Variants in RB1CC1 observed in about 807,000 individuals in gnomAD.
RB1CC1 encodes the protein RB1-inducible coiled-coil protein 1.
Under a neutral mutation model 177.5 loss-of-function variants are expected in RB1CC1, and 46 were observed. The ratio of observed to expected loss-of-function variants is 0.26; its 90% CI spans 0.20 to 0.33. The LOEUF is 0.33. Among genes scored for constraint, RB1CC1 ranks in the 10% least tolerant of loss-of-function variants. The pLI is 1.00. For missense variants in RB1CC1, 1,703 were observed against 1,816.3 expected (o/e 0.94, Z 1.13); for synonymous variants, 666 against 613.6 (o/e 1.09, Z -1.26).
At chr8:52,648,116 C>A (rs997854015) in intron 15 of RB1CC1, among the ~76,000 whole-genome samples, 3 of 152,084 alleles carry the variant, frequency 2.0e-5, no homozygotes, top group African/African-American at 7.2e-5. Context: ...CAGATATAGA[C>A]ACCCCTGACA....
At chr8:52,703,619 T>C (rs1365553542) in intron 1 of RB1CC1, among the ~76,000 whole-genome samples, 1 of 152,186 alleles carries the variant, frequency 6.6e-6, no homozygotes, top group African/African-American at 2.4e-5. Context: ...TGGCTGTCAG[T>C]GGTCTTGTTC....
chr8:52,660,201 G>T (rs879394699), intron 12 of RB1CC1, among the ~76,000 whole-genome samples: 2 of 152,136 alleles, frequency 1.3e-5, no homozygotes, highest in Non-Finnish European at 1.5e-5. Flanking sequence ...ATAAAGGGGG[G>T]TGGTGTGAAA....
At chr8:52,679,256 A>G (rs1853467324) in intron 5 of RB1CC1, among the ~76,000 whole-genome samples, 1 of 152,216 alleles carries the variant, frequency 6.6e-6, no homozygotes, top group Admixed American at 6.5e-5. Flanking sequence ...ATTTTGCCAC[A>G]GGGAAATTTC....
At chr8:52,704,518 G>A (rs1223382408) in intron 1 of RB1CC1, among the ~76,000 whole-genome samples, 1 of 147,012 alleles carries the variant, frequency 6.8e-6, no homozygotes, top group Non-Finnish European at 1.5e-5. Context: ...GAAACTGACA[G>A]TTTACCCTCA....
intron 1 of RB1CC1, among the ~76,000 whole-genome samples, chr8:52,693,738 G>C (rs139585269): frequency 6.6e-6 from 1 of 152,000 alleles, no homozygotes; most frequent in East Asian, 1.9e-4. Context: ...ATAGACACAC[G>C]GGGGTAGGAT....
intron 19 of RB1CC1, among the ~76,000 whole-genome samples, chr8:52,635,696 T>C (rs1429425123): frequency 6.6e-6 from 1 of 152,182 alleles, no homozygotes; most frequent in African/African-American, 2.4e-5. Flanking sequence ...TCATGTTATT[T>C]TGCTGAATTC....
At chr8:52,654,201 T>A (rs1160674907) in intron 15 of RB1CC1, among the ~76,000 whole-genome samples, 1 of 152,236 alleles carries the variant, frequency 6.6e-6, no homozygotes, top group African/African-American at 2.4e-5. Context: ...GACATTTATC[T>A]GTCTAAATGC....
intron 15 of RB1CC1, among the ~76,000 whole-genome samples, chr8:52,648,294 G>T (rs759797908): frequency 3.3e-5 from 5 of 152,068 alleles, no homozygotes; most frequent in African/African-American, 9.7e-5. Context: ...GTATTAATCC[G>T]GCCAAAAGTA....
At chr8:52,644,105 C>T (rs1476189777) in intron 16 of RB1CC1, among the ~76,000 whole-genome samples, 1 of 151,832 alleles carries the variant, frequency 6.6e-6, no homozygotes, top group Non-Finnish European at 1.5e-5. Flanking sequence ...ATGATTTTTG[C>T]CATTTCTGTA....
chr8:52,697,401 A>T (rs1194921127), intron 1 of RB1CC1, among the ~76,000 whole-genome samples: 1 of 152,186 alleles, frequency 6.6e-6, no homozygotes, highest in Non-Finnish European at 1.5e-5. Flanking sequence ...ATCCTGACTT[A>T]AAACAACTGT....
chr8:52,682,526 G>A (rs945636609), intron 5 of RB1CC1, among the ~76,000 whole-genome samples: 2 of 151,978 alleles, frequency 1.3e-5, no homozygotes, highest in Middle Eastern at 3.4e-3. Context: ...CCTGATATAC[G>A]TATTTCTGAC....
At chr8:52,635,384 G>A (rs1252429991) in intron 19 of RB1CC1, among the ~76,000 whole-genome samples, 1 of 152,082 alleles carries the variant, frequency 6.6e-6, no homozygotes, top group Admixed American at 6.5e-5. Flanking sequence ...TTCAAATGAA[G>A]TTGTACAATT....
In RB1CC1 at chr8:52,626,096, T is replaced by G. The variant is rs180725319; in HGVS notation, c.4637-1309A>C. 1.5e-3 allele frequency among the ~76,000 whole-genome samples: 227 copies of G among 152,194 alleles called. 1 individual carries two copies. Among genetic ancestry groups the G allele is most frequent in the African/African-American group, 5.4e-3 (223 of 41,536 alleles). On this transcript the variant is annotated intron_variant, in intron 22 of 23. Transcript: ENST00000025008. The stretch of plus-strand genomic sequence containing the variant: ...TTACTAACATCCAAAAAGAATCATC[T>G]AAAAATAAATGCTTGTATGATGCCA...
At chr8:52,641,978 TAAA>T (rs1013139562) in intron 18 of RB1CC1, among the ~76,000 whole-genome samples, 7 of 148,282 alleles carry the variant, frequency 4.7e-5, no homozygotes, top group Admixed American at 2.8e-4. Flanking sequence ...ATAATAATAA[TAAA>T]AAACCCTTCC....
chr8:52,711,056 C>T (rs1338725643), intron 1 of RB1CC1, among the ~76,000 whole-genome samples: 1 of 151,178 alleles, frequency 6.6e-6, no homozygotes, highest in Non-Finnish European at 1.5e-5. Flanking sequence ...AATTACAAGC[C>T]AATAAAATAT....
At chr8:52,623,997 T>C (rs1452110740) in intron 23 of RB1CC1, 138 bp from the exon 24 acceptor site, 18 of 631,150 alleles carry the variant, frequency 2.9e-5, no homozygotes, top group East Asian at 2.8e-4. Flanking sequence ...CCTCCTATCA[T>C]ATTACTCATT....
rs187546148 is a variant in RB1CC1, at chr8:52,679,560, T to C, written c.370-2989A>G. ...CCAATGTACTTCTTACACATAATCATGTCTCATGTCTCCCTAAAATGTATA... is the reference window on the plus strand; with the variant it reads ...CCAATGTACTTCTTACACATAATCACGTCTCATGTCTCCCTAAAATGTATA... On this transcript the variant is annotated intron_variant, in intron 5 of 23. Transcript: ENST00000025008. Among the ~76,000 whole-genome samples, 270 of 152,348 alleles carry C rather than the reference T, an allele frequency of 1.8e-3. 2 individuals carry two copies. Among genetic ancestry groups the C allele is most frequent in the African/African-American group, 6.2e-3 (258 of 41,572 alleles).
At position 52,623,668 on chromosome 8, in the gene RB1CC1, T is replaced by G. The variant is rs775942578; in HGVS notation, c.*114A>C. The G allele has an allele frequency of 3.2e-5, 24 of 741,562 alleles. No homozygotes were observed. The Admixed American group carries it at 4.8e-4, about 15-fold the overall frequency. The allele number at this position is 741,562 out of a possible 1,614,324, so 45.9% of individuals were successfully genotyped here. On this transcript the variant is annotated 3_prime_UTR_variant, in exon 24 of 24. Transcript: ENST00000025008. ...AAACGATGTACACCAGTGAAGTATA[T>G]TGTCACGCTGACTTTTGCATAAAAA...
Position 52,674,046 on chromosome 8 carries a change from T to C in RB1CC1, c.801A>G (p.Pro267=), listed in dbSNP as rs766747945. 1 of 1,614,180 alleles carries C rather than the reference T, an allele frequency of 6.2e-7. No individual in the cohort carries two copies. Among genetic ancestry groups the C allele is most frequent in the Non-Finnish European group, 8.5e-7 (1 of 1,180,026 alleles). ...SFPKSVEHVS[P]DTADAESGKE... ...TGCCACTTTCAGCATCTGCGGTATC[T>C]GGGGACACATGTTCCACTGACTTGG... The change falls in exon 7 of 24, where the codon CCA becomes CCG. Residue 267 remains proline, a synonymous_variant. Coordinates refer to ENST00000025008, the MANE Select transcript of RB1CC1 (RefSeq NM_014781.5).
Sources: gnomAD v4.1 joint callset for allele counts (sites outside exome capture counted in the v4.1 genomes callset) on GRCh38, gnomAD v4.1.1 for gene constraint, MANE v1.5 for transcripts, NCBI Gene and HGNC (gene_info 2026-07-23, HGNC 2026-07-21) for gene names.